Variants in ADCY2 observed in about 807,000 individuals in gnomAD.
ADCY2 encodes adenylate cyclase 2, also known as adenylate cyclase type 2.
Under a neutral mutation model 125.2 loss-of-function variants are expected in ADCY2, and 31 were observed. The ratio of observed to expected loss-of-function variants is 0.25; its 90% CI spans 0.19 to 0.33. The LOEUF (loss-of-function observed/expected upper bound fraction) is 0.33, where lower values mean the gene tolerates loss of function less well. ADCY2 is among the 10% of genes least tolerant of loss of function. The probability of loss-of-function intolerance (pLI) is 1.00; values close to 1 mark genes in which losing one functional copy is unlikely to be tolerated. For synonymous variants in ADCY2, 512 were observed against 548.4 expected (o/e 0.93, Z 0.93); for missense variants, 904 against 1,418.2 (o/e 0.64, Z 5.82).
At chr5:7,517,922 C>T (rs1744308295) in intron 2 of ADCY2, among the ~76,000 whole-genome samples, 1 of 152,076 alleles carries the variant, frequency 6.6e-6, no homozygotes, top group Non-Finnish European at 1.5e-5. Context: ...GAGAGGTTCT[C>T]TTTTGTAATT....
intron 4 of ADCY2, among the ~76,000 whole-genome samples, chr5:7,660,874 T>C (rs1346686640): frequency 6.6e-6 from 1 of 152,168 alleles, no homozygotes; most frequent in Non-Finnish European, 1.5e-5. Context: ...GACATAAAAT[T>C]AACCATCTCA....
chr5:7,508,634 A>C (rs1269416750), intron 2 of ADCY2, among the ~76,000 whole-genome samples: 2 of 152,112 alleles, frequency 1.3e-5, no homozygotes, highest in South Asian at 2.1e-4. Context: ...ATATTCTATT[A>C]CTCAATGTGA....
intron 3 of ADCY2, among the ~76,000 whole-genome samples, chr5:7,574,470 A>G (rs1028946704): frequency 3.3e-5 from 5 of 152,190 alleles, no homozygotes; most frequent in Admixed American, 2.6e-4. Flanking sequence ...TAATGGGGCA[A>G]GAGAAAAAAA....
At chr5:7,779,757 T>C (rs1743857662) in intron 18 of ADCY2, among the ~76,000 whole-genome samples, 1 of 152,182 alleles carries the variant, frequency 6.6e-6, no homozygotes, top group South Asian at 2.1e-4. Context: ...CCCTGGAAGA[T>C]GTTGGGCCAT....
At chr5:7,706,543 C>A (rs1741272168) in intron 7 of ADCY2, among the ~76,000 whole-genome samples, 1 of 152,200 alleles carries the variant, frequency 6.6e-6, no homozygotes. Flanking sequence ...GCTTTAATAG[C>A]AAGAACATTG....
chr5:7,554,539 A>C (rs1735442334), intron 3 of ADCY2, among the ~76,000 whole-genome samples: 1 of 152,216 alleles, frequency 6.6e-6, no homozygotes, highest in South Asian at 2.1e-4. Context: ...TCTTTTAAAA[A>C]AATATATGTA....
intron 2 of ADCY2, among the ~76,000 whole-genome samples, chr5:7,452,450 T>C (rs534263166): frequency 6.6e-6 from 1 of 152,366 alleles, no homozygotes; most frequent in South Asian, 2.1e-4. Flanking sequence ...TTTTTATGGC[T>C]GAATTGTATT....
chr5:7,759,980 G>A (rs1480382523), intron 16 of ADCY2, among the ~76,000 whole-genome samples: 2 of 152,166 alleles, frequency 1.3e-5, no homozygotes, highest in East Asian at 3.9e-4. Flanking sequence ...ACAGCCTCAG[G>A]GTGGGGAACT....
At chr5:7,490,628 A>G (rs1349902944) in intron 2 of ADCY2, among the ~76,000 whole-genome samples, 3 of 152,168 alleles carry the variant, frequency 2.0e-5, no homozygotes, top group Non-Finnish European at 4.4e-5. Context: ...GGCTCTAGCC[A>G]GTAAACACAC....
chr5:7,557,134 T>TA (rs55677622), intron 3 of ADCY2, among the ~76,000 whole-genome samples: 1,514 of 75,650 alleles, frequency 0.02, 31 homozygotes, highest in African/African-American at 0.052. Flanking sequence ...GCAAAAACAG[T>TA]TTATATATAT....
At chr5:7,660,297 A>AAGGAAGGAAGGAAGGG (rs1215647406) in intron 4 of ADCY2, among the ~76,000 whole-genome samples, 18 of 148,092 alleles carry the variant, frequency 1.2e-4, no homozygotes, top group African/African-American at 4.2e-4. Flanking sequence ...GGAAGGAAGG[A>AAGGAAGGAAGGAAGGG]AGGACTGTGA....
chr5:7,427,486 AACTC>A (rs1448395397), intron 2 of ADCY2, among the ~76,000 whole-genome samples: 4 of 152,084 alleles, frequency 2.6e-5, no homozygotes, highest in Non-Finnish European at 5.9e-5. Flanking sequence ...ATCTCGTGAG[AACTC>A]ACTCACTATC....
chr5:7,473,949 G>A (rs149400429), intron 2 of ADCY2, among the ~76,000 whole-genome samples: 93 of 152,306 alleles, frequency 6.1e-4, no homozygotes, highest in African/African-American at 2.0e-3. Flanking sequence ...TTACCTGCCT[G>A]CATGGTGGCC....
intron 4 of ADCY2, among the ~76,000 whole-genome samples, chr5:7,689,300 G>C (rs957592580): frequency 2.6e-5 from 4 of 152,176 alleles, no homozygotes; most frequent in African/African-American, 9.6e-5. Flanking sequence ...CTGAAGCAGA[G>C]CAGTCTCTGC....
intron 2 of ADCY2, among the ~76,000 whole-genome samples, chr5:7,439,774 G>A (rs1740939944): frequency 6.6e-6 from 1 of 152,050 alleles, no homozygotes; most frequent in Admixed American, 6.5e-5. Context: ...AAGAGTCCAG[G>A]GCACTTCATG....
intron 16 of ADCY2, among the ~76,000 whole-genome samples, chr5:7,764,774 T>C (rs1485495726): frequency 6.6e-6 from 1 of 152,154 alleles, no homozygotes; most frequent in Non-Finnish European, 1.5e-5. Flanking sequence ...GTGGAGAAAG[T>C]TGGGGCAGTT....
At chr5:7,464,252 C>T (rs1048288211) in intron 2 of ADCY2, among the ~76,000 whole-genome samples, 14 of 152,124 alleles carry the variant, frequency 9.2e-5, no homozygotes, top group African/African-American at 2.9e-4. Context: ...CGGAGCTCTG[C>T]GCTGCTGTGT....
In ADCY2 at chr5:7,467,054, C is replaced by A. The variant is rs551623424; in HGVS notation, c.408+52284C>A. On this transcript the variant is annotated intron_variant, in intron 2 of 24. Coordinates refer to ENST00000338316, the MANE Select transcript of ADCY2 (RefSeq NM_020546.3). ...TATTTTCAATTTACCCTGGGCTTAT[C>A]GGGATGTAACCCCATTGTAAGTGGA... 1.2e-4 allele frequency among the ~76,000 whole-genome samples: 18 copies of A among 152,254 alleles called. No individual in the cohort carries two copies. The South Asian group carries it at 3.3e-3, about 28-fold the overall frequency.
intron 3 of ADCY2, among the ~76,000 whole-genome samples, chr5:7,600,961 G>A (rs1737181105): frequency 6.6e-6 from 1 of 152,184 alleles, no homozygotes; most frequent in African/African-American, 2.4e-5. Flanking sequence ...TGGCAATTGG[G>A]ATGAAGGTCA....
Sources: allele counts gnomAD v4.1 joint callset (sites outside exome capture counted in the v4.1 genomes callset), GRCh38; gene constraint gnomAD v4.1.1; transcripts MANE v1.5; gene names NCBI Gene and HGNC (gene_info 2026-07-23, HGNC 2026-07-21).